Variants in ARB2A observed in about 807,000 individuals in gnomAD.
ARB2A encodes the protein ARB2 cotranscriptional regulator A.
At chr5:94,071,432 A>T in the ARB2A span, among the ~76,000 whole-genome samples, 1 of 152,044 alleles carries the variant, frequency 6.6e-6, no homozygotes, top group Admixed American at 6.6e-5. Context: ...GCCCTACGAA[A>T]GACCTGTTAA....
the ARB2A span, among the ~76,000 whole-genome samples, chr5:94,069,853 T>C: frequency 9.7e-4 from 147 of 152,298 alleles, no homozygotes; most frequent in African/African-American, 3.4e-3. Flanking sequence ...TGTAAATCTG[T>C]ATAACCTCCA....
chr5:93,852,938 G>A, the ARB2A span, among the ~76,000 whole-genome samples: 1 of 152,116 alleles, frequency 6.6e-6, no homozygotes, highest in East Asian at 1.9e-4. Context: ...GGCGATGTGG[G>A]CTCTTTTTTT....
the ARB2A span, among the ~76,000 whole-genome samples, chr5:93,953,313 C>A: frequency 6.6e-6 from 1 of 152,174 alleles, no homozygotes; most frequent in Admixed American, 6.5e-5. Context: ...TTCCAGGTAT[C>A]CGAAGGCACT....
At chr5:94,107,683 T>G in the ARB2A span, among the ~76,000 whole-genome samples, 36 of 152,328 alleles carry the variant, frequency 2.4e-4, no homozygotes, top group African/African-American at 7.0e-4. Flanking sequence ...ATTACTCAGT[T>G]GAACTCATTA....
chr5:93,667,780 C>T, the ARB2A span, among the ~76,000 whole-genome samples: 1 of 152,156 alleles, frequency 6.6e-6, no homozygotes, highest in Non-Finnish European at 1.5e-5. Context: ...AAAGTCAAGC[C>T]ACAATTTAGC....
the ARB2A span, chr5:93,865,455 T>G: frequency 1.0e-6 from 1 of 985,336 alleles, no homozygotes; most frequent in South Asian, 4.7e-5. Context: ...CTAGCACTTG[T>G]GACATGGTAC....
chr5:93,794,875 T>C, the ARB2A span, among the ~76,000 whole-genome samples: 1 of 152,144 alleles, frequency 6.6e-6, no homozygotes, highest in Non-Finnish European at 1.5e-5. Context: ...GCTGGTTTTG[T>C]GTTGATTGGT....
the ARB2A span, among the ~76,000 whole-genome samples, chr5:93,802,567 C>T: frequency 6.6e-6 from 1 of 152,024 alleles, no homozygotes; most frequent in Non-Finnish European, 1.5e-5. Flanking sequence ...ATTACTTTTT[C>T]ACATAAACCA....
the ARB2A span, among the ~76,000 whole-genome samples, chr5:93,878,134 T>A: frequency 2.0e-5 from 3 of 152,270 alleles, no homozygotes; most frequent in East Asian, 5.8e-4. Flanking sequence ...ACAATTGTAG[T>A]GCTGTTTGAC....
At chr5:93,856,997 A>T in the ARB2A span, among the ~76,000 whole-genome samples, 1 of 152,130 alleles carries the variant, frequency 6.6e-6, no homozygotes, top group Admixed American at 6.5e-5. Flanking sequence ...TTTTCCTTCT[A>T]ACAGACAGGA....
chr5:93,807,142 T>C, the ARB2A span, among the ~76,000 whole-genome samples: 6 of 151,970 alleles, frequency 3.9e-5, no homozygotes, highest in Non-Finnish European at 8.8e-5. Flanking sequence ...CCTCACTAAA[T>C]GCATAGCTAA....
the ARB2A span, chr5:93,784,136 T>C: frequency 1.4e-5 from 4 of 287,374 alleles, no homozygotes; most frequent in Non-Finnish European, 2.6e-5. Flanking sequence ...CTACCATAGA[T>C]TGAACACTAT....
chr5:93,681,968 T>C, the ARB2A span, among the ~76,000 whole-genome samples: 1 of 152,214 alleles, frequency 6.6e-6, no homozygotes, highest in Non-Finnish European at 1.5e-5. Context: ...TGACATATCC[T>C]AAATGTAGAA....
the ARB2A span, among the ~76,000 whole-genome samples, chr5:93,949,784 C>T: frequency 6.6e-6 from 1 of 152,112 alleles, no homozygotes; most frequent in African/African-American, 2.4e-5. Flanking sequence ...TATCCTCCCT[C>T]CCCTACAACC....
the ARB2A span, among the ~76,000 whole-genome samples, chr5:94,111,162 A>C: frequency 6.6e-6 from 1 of 152,148 alleles, no homozygotes; most frequent in African/African-American, 2.4e-5. Context: ...TTGTAGAAAA[A>C]AAAATTAATA....
At chr5:93,955,964 G>C in the ARB2A span, among the ~76,000 whole-genome samples, 1 of 152,218 alleles carries the variant, frequency 6.6e-6, no homozygotes, top group African/African-American at 2.4e-5. Flanking sequence ...GAAGAAACAA[G>C]TATGAGTAAC....
chr5:93,738,511 A>C, the ARB2A span: 1 of 152,272 alleles, frequency 6.6e-6, no homozygotes, highest in Non-Finnish European at 1.5e-5. Flanking sequence ...TGTTCATAGC[A>C]GTATCATTCA....
the ARB2A span, among the ~76,000 whole-genome samples, chr5:93,945,167 G>A: frequency 2.4e-4 from 36 of 152,282 alleles, no homozygotes; most frequent in Admixed American, 1.0e-3. Flanking sequence ...TATAGGCCAC[G>A]TGTGGCGGCT....
chr5:94,080,722 C>A, the ARB2A span, among the ~76,000 whole-genome samples: 1 of 152,174 alleles, frequency 6.6e-6, no homozygotes, highest in East Asian at 1.9e-4. Context: ...CCCCGATAGG[C>A]AATATTTGCT....
Sources: allele counts gnomAD v4.1 joint callset (sites outside exome capture counted in the v4.1 genomes callset), GRCh38; gene constraint gnomAD v4.1.1; transcripts MANE v1.5; gene names NCBI Gene and HGNC (gene_info 2026-07-23, HGNC 2026-07-21).